The following PTPRS variants were observed in gnomAD, a reference collection of about 807,000 sequenced individuals.
PTPRS encodes protein tyrosine phosphatase receptor type S, also known as receptor-type tyrosine-protein phosphatase S.
PTPRS carries 63 observed loss-of-function variants against 215.3 expected under a neutral mutation model. That is an observed-to-expected ratio of 0.29 (90% CI 0.24 to 0.36). The LOEUF is 0.36. Ranked by LOEUF, PTPRS falls within the 10% of genes least tolerant of loss-of-function variation. PTPRS has a pLI of 1.00. For synonymous variants in PTPRS, 1,404 were observed against 1,191.4 expected, an observed-to-expected ratio of 1.18 and a Z score of -3.68; for missense variants, 2,258 against 2,825.8, an observed-to-expected ratio of 0.80 and a Z score of 4.56.
chr19:5,311,181 T>C (rs1322875403), intron 1 of PTPRS, among the ~76,000 whole-genome samples: 1 of 152,016 alleles, frequency 6.6e-6, no homozygotes, highest in Admixed American at 6.6e-5. Flanking sequence ...CCCAGCCTTT[T>C]GTATTTTTAG....
intron 1 of PTPRS, among the ~76,000 whole-genome samples, chr19:5,335,501 C>T (rs2050465936): frequency 6.6e-6 from 1 of 152,008 alleles, no homozygotes; most frequent in Admixed American, 6.6e-5. Flanking sequence ...GGAAGTCATC[C>T]AGGAAGGAAG....
chr19:5,206,984 C>G (rs1184129836), intron 37 of PTPRS, 142 bp from the exon 38 acceptor site: 1 of 693,874 alleles, frequency 1.4e-6, no homozygotes, highest in African/African-American at 1.8e-5. Flanking sequence ...ACGGCCCTCC[C>G]ACAATGAAGT....
At chr19:5,211,408 AACAC>A (rs1488334831) in intron 33 of PTPRS, among the ~76,000 whole-genome samples, 178 bp downstream of exon 33, 1 of 152,156 alleles carries the variant, frequency 6.6e-6, no homozygotes. Context: ...CCATCAGTTA[AACAC>A]ACACCCAAAG....
intron 7 of PTPRS, 108 bp downstream of exon 7, chr19:5,260,697 G>A: frequency 7.2e-7 from 1 of 1,379,644 alleles, no homozygotes; most frequent in South Asian, 1.2e-5. Context: ...GTGGTGGCAG[G>A]GTGGACACGC....
chr19:5,268,169 CA>C (rs931162126), intron 4 of PTPRS, among the ~76,000 whole-genome samples: 78 of 143,592 alleles, frequency 5.4e-4, no homozygotes, highest in African/African-American at 1.8e-3. Context: ...GACTCCATCT[CA>C]AAATAAATAA....
At chr19:5,239,352 CAG>C (rs2043804327) in intron 12 of PTPRS, among the ~76,000 whole-genome samples, 1 of 148,616 alleles carries the variant, frequency 6.7e-6, no homozygotes, top group African/African-American at 2.5e-5. Flanking sequence ...GGGAGAGAGT[CAG>C]AGACAGAGGG....
intron 13 of PTPRS, 143 bp downstream of exon 13, chr19:5,238,776 G>C (rs1272743705): frequency 8.4e-7 from 1 of 1,183,894 alleles, no homozygotes; most frequent in East Asian, 3.0e-5. Flanking sequence ...ATGGATCCGA[G>C]GTCGGGGAAC....
chr19:5,317,269 C>T (rs755934691), intron 1 of PTPRS, among the ~76,000 whole-genome samples: 39 of 152,126 alleles, frequency 2.6e-4, no homozygotes, highest in Non-Finnish European at 5.0e-4. Flanking sequence ...GTCAAGAGTT[C>T]GAGACCAGCC....
intron 1 of PTPRS, among the ~76,000 whole-genome samples, chr19:5,289,103 ATCCCGGGG>A: frequency 6.6e-6 from 1 of 152,024 alleles, no homozygotes; most frequent in East Asian, 1.9e-4. Flanking sequence ...AAGACAAAAC[ATCCCGGGG>A]TCCCTTAGGT....
At chr19:5,209,907 T>G (rs568197664) in intron 35 of PTPRS, among the ~76,000 whole-genome samples, 40 of 152,282 alleles carry the variant, frequency 2.6e-4, no homozygotes, top group Non-Finnish European at 4.6e-4. Flanking sequence ...ATCCCCTCAC[T>G]GCGTTCTCTA....
rs190313661 is a variant in PTPRS, at chr19:5,304,327, A to T, written c.-94-18093T>A. Among the ~76,000 whole-genome samples the T allele has an allele frequency of 1.5e-3, 233 of 152,216 alleles. 3 individuals are homozygous for T. The South Asian group carries it at 0.028, about 18-fold the overall frequency. ...TAAAAAAAATAAGAAATAAAAAAAT[A>T]AAAATAGCCAGGCGTGGTGGCATAT... On this transcript the variant is annotated intron_variant, in intron 1 of 37. Transcript: ENST00000262963.
At chr19:5,273,276 T>C (rs374880741) in intron 4 of PTPRS, 166 bp downstream of exon 4, 20 of 838,106 alleles carry the variant, frequency 2.4e-5, no homozygotes, top group Admixed American at 6.6e-5. Flanking sequence ...TCCCCACCAG[T>C]AGGCGCTGGG....
At chr19:5,262,667 T>C (rs371200053) in intron 6 of PTPRS, among the ~76,000 whole-genome samples, 21 of 152,370 alleles carry the variant, frequency 1.4e-4, no homozygotes, top group African/African-American at 4.3e-4. Flanking sequence ...TGAACCCCCC[T>C]CAGCCTGCAT....
chr19:5,274,089 A>T (rs1285350612), intron 3 of PTPRS, 110 bp downstream of exon 3: 2 of 1,438,154 alleles, frequency 1.4e-6, no homozygotes, highest in African/African-American at 2.8e-5. Context: ...TTGGCCACAG[A>T]TGATGCTCCA....
intron 2 of PTPRS, among the ~76,000 whole-genome samples, chr19:5,279,164 C>T (rs867202008): frequency 6.7e-6 from 1 of 150,288 alleles, no homozygotes; most frequent in Admixed American, 6.6e-5. Flanking sequence ...CCAGCCGGGG[C>T]AACAGACCAA....
intron 4 of PTPRS, among the ~76,000 whole-genome samples, chr19:5,272,531 GAGGTTGC>G (rs1299995955): frequency 2.0e-5 from 3 of 146,532 alleles, no homozygotes; most frequent in African/African-American, 7.5e-5. Context: ...CTGGGAGGTG[GAGGTTGC>G]AGTGAGCTGA....
chr19:5,211,072 C>T (rs2040831528), intron 33 of PTPRS, among the ~76,000 whole-genome samples: 1 of 152,244 alleles, frequency 6.6e-6, no homozygotes, highest in African/African-American at 2.4e-5. Context: ...TTCCCTCCAT[C>T]TCCTTCAAGG....
intron 13 of PTPRS, among the ~76,000 whole-genome samples, chr19:5,236,879 A>C (rs1006151618): frequency 6.6e-6 from 1 of 151,112 alleles, no homozygotes; most frequent in Non-Finnish European, 1.5e-5. Context: ...CAATCAAGGA[A>C]TGTGTCGGAA....
Position 5,210,670 on chromosome 19 carries a change from CT to C in PTPRS, c.5361+8del, listed in dbSNP as rs1390367179. 1.2e-6 allele frequency: 2 copies of C among 1,614,154 alleles called. No individual in the cohort carries two copies. Among genetic ancestry groups the C allele is most frequent in the Non-Finnish European group, 1.7e-6 (2 of 1,180,034 alleles). ...CCCTCGCCCTTCCCTGCTGTGGCCC[CT>C]AGCTCACCCGGCCCATCTCCCGCAG... On this transcript the variant is annotated splice_region_variant and intron_variant, in intron 34 of 37. Transcript: ENST00000262963. This position sits in a 1 kb window ranked among gnomAD's most constrained non-coding sequence, Gnocchi z 4.5.
Sources: allele counts gnomAD v4.1 joint callset (sites outside exome capture counted in the v4.1 genomes callset), GRCh38; gene constraint gnomAD v4.1.1; non-coding constraint Gnocchi (gnomAD v3.1); transcripts MANE v1.5; gene names NCBI Gene and HGNC (gene_info 2026-07-23, HGNC 2026-07-21).